The following NFIC variants were observed in gnomAD, a reference collection of about 807,000 sequenced individuals.
The protein encoded by NFIC is nuclear factor I C, also known as nuclear factor 1 C-type.
In NFIC, 12 loss-of-function variants were observed where a neutral mutation model predicts 54.4. The ratio of observed to expected loss-of-function variants is 0.22; its 90% CI spans 0.14 to 0.36. The LOEUF (loss-of-function observed/expected upper bound fraction) is 0.36. Ranked by LOEUF, NFIC falls within the 10% of genes least tolerant of loss-of-function variation. The pLI is 1.00. For missense variants in NFIC, 575 were observed against 718.2 expected (o/e 0.80, Z 2.28); for synonymous variants, 322 against 319.2 (o/e 1.01, Z -0.09).
At chr19:3,401,809 C>T (rs1367707744) in intron 2 of NFIC, among the ~76,000 whole-genome samples, 1 of 151,910 alleles carries the variant, frequency 6.6e-6, no homozygotes, top group Non-Finnish European at 1.5e-5. Flanking sequence ...ACAACCTCTG[C>T]CTCACAGGTT....
intron 2 of NFIC, among the ~76,000 whole-genome samples, chr19:3,401,721 C>CTT (rs1333848770): frequency 5.7e-5 from 2 of 35,366 alleles, no homozygotes; most frequent in African/African-American, 1.2e-4. Context: ...GGGTTATTCT[C>CTT]TTTTTTTTTC....
intron 2 of NFIC, among the ~76,000 whole-genome samples, chr19:3,392,914 T>C (rs113170178): frequency 0.037 from 5,636 of 152,298 alleles, 362 homozygotes; most frequent in African/African-American, 0.13. Flanking sequence ...GCCTTGGCTC[T>C]TGTCCCTTCT....
chr19:3,366,535 G>GT (rs1491403133), upstream of NFIC: 111 of 100,068 alleles, frequency 1.1e-3, no homozygotes, highest in Non-Finnish European at 1.6e-3. Flanking sequence ...GCCGCGGGGC[G>GT]GGGGGGGGGG....
chr19:3,425,918 C>CTTTTT (rs869165549), intron 3 of NFIC, among the ~76,000 whole-genome samples: 3 of 54,532 alleles, frequency 5.5e-5, no homozygotes, highest in Non-Finnish European at 6.3e-5. Context: ...CCATGCCTGG[C>CTTTTT]TTTTTTTTTT....
chr19:3,458,684 G>T lies in NFIC; in HGVS notation c.1509+2049G>T, dbSNP rs544249198. On this transcript the variant is annotated intron_variant, in intron 10 of 10. Coordinates refer to ENST00000443272, the MANE Select transcript of NFIC (RefSeq NM_001245002.2). This position sits in a 1 kb window ranked among gnomAD's most constrained non-coding sequence, Gnocchi z 4.1. ...ATAGGCAATGGTGTGGGTCGGGGGA[G>T]GGGGAGCTGGCTGGAATGTGAGAGA... is the stretch of plus-strand genomic sequence containing the variant. Among the ~76,000 whole-genome samples, 2 of 152,000 alleles carry T rather than the reference G, an allele frequency of 1.3e-5. No homozygotes were observed. Among genetic ancestry groups the T allele is most frequent in the Admixed American group, 1.3e-4 (2 of 15,264 alleles).
intron 2 of NFIC, among the ~76,000 whole-genome samples, chr19:3,396,729 G>A (rs1027304678): frequency 6.6e-6 from 1 of 152,238 alleles, no homozygotes; most frequent in Non-Finnish European, 1.5e-5. Flanking sequence ...GCCAAGGTGG[G>A]TGGATCACCT....
chr19:3,418,099 CTTTT>C (rs778206013), intron 2 of NFIC, among the ~76,000 whole-genome samples: 3 of 132,484 alleles, frequency 2.3e-5, no homozygotes, highest in Non-Finnish European at 4.9e-5. Context: ...ATTTTCTTTT[CTTTT>C]TTTTTTTTTT....
rs1169823287 is a variant in NFIC, at chr19:3,464,658, C to T, written c.*1889C>T. 4.4e-5 allele frequency: 43 copies of T among 984,814 alleles called. 1 individual carries two copies. The highest frequency in any genetic ancestry group is 4.8e-6 in the Non-Finnish European group (4 of 829,834). The allele number at this position is 984,814 out of a possible 1,614,324, so 61.0% of individuals were successfully genotyped here. Reference sequence around the variant, plus strand: ...ACCTGCTCCTAGCCTCACCCCCCTGCCCCCGAAAACCAGACTCTCCTCCCA... The same window carrying T: ...ACCTGCTCCTAGCCTCACCCCCCTGTCCCCGAAAACCAGACTCTCCTCCCA... On this transcript the variant is annotated 3_prime_UTR_variant, in exon 11 of 11. Coordinates refer to ENST00000443272, the MANE Select transcript of NFIC (RefSeq NM_001245002.2).
chr19:3,388,329 C>T (rs1429020563), intron 2 of NFIC, among the ~76,000 whole-genome samples: 3 of 152,124 alleles, frequency 2.0e-5, no homozygotes, highest in African/African-American at 7.2e-5. Context: ...ATGGCGTGCC[C>T]TCTGTGTGCC....
intron 6 of NFIC, among the ~76,000 whole-genome samples, chr19:3,443,504 C>A (rs2082324670): frequency 6.6e-6 from 1 of 152,092 alleles, no homozygotes; most frequent in Admixed American, 6.6e-5. Context: ...GGTGTGTAAA[C>A]CAGGGGGACC....
At position 3,452,388 on chromosome 19, in the gene NFIC, G is replaced by A. The variant is rs569389230; in HGVS notation, c.1085-94G>A. 2.3e-5 allele frequency: 34 copies of A among 1,489,410 alleles called. No homozygotes were observed. In the African/African-American group the frequency reaches 2.8e-4, roughly 12 times the overall value. 92.3% of individuals were successfully genotyped at this position (1,489,410 alleles called of 1,614,324 possible). A position where few individuals can be genotyped will look rare whatever the true frequency, so the allele number is the denominator to read the frequency against. ...TTGTTACTAAACGCACTGAGATGCC[G>A]GCAGGAATGACACCCACAGACACAC... On this transcript the variant is annotated intron_variant, in intron 7 of 10. Transcript: ENST00000443272. This position sits in a 1 kb window ranked among gnomAD's most constrained non-coding sequence, Gnocchi z 5.3.
chr19:3,434,878 G>A (rs1262895079), intron 5 of NFIC, among the ~76,000 whole-genome samples: 2 of 152,222 alleles, frequency 1.3e-5, no homozygotes, highest in South Asian at 4.1e-4. Flanking sequence ...CCTGCCTCTG[G>A]CCCGGGTGTC....
chr19:3,427,547 G>T (rs897441674), intron 3 of NFIC, among the ~76,000 whole-genome samples: 1 of 152,030 alleles, frequency 6.6e-6, no homozygotes, highest in Non-Finnish European at 1.5e-5. Flanking sequence ...AGAAGGAAGG[G>T]GCCAAGTGCG....
intron 2 of NFIC, among the ~76,000 whole-genome samples, chr19:3,411,764 G>A (rs1599640105): frequency 6.6e-6 from 1 of 152,182 alleles, no homozygotes; most frequent in East Asian, 1.9e-4. Context: ...CCCCCAGCCC[G>A]GCTGTGAGGA....
intron 3 of NFIC, among the ~76,000 whole-genome samples, chr19:3,426,890 C>A (rs1256033588): frequency 6.6e-6 from 1 of 152,106 alleles, no homozygotes; most frequent in East Asian, 1.9e-4. Context: ...TACCCTAAAC[C>A]CCTTCAGCAT....
chr19:3,366,556 C>CGGGGGGGGGGGGGGG, upstream of NFIC: 1 of 490,742 alleles, frequency 2.0e-6, no homozygotes, highest in Non-Finnish European at 2.9e-6. Context: ...TTGGGGGGGG[C>CGGGGGGGGGGGGGGG]GGGGGGGTGG....
rs1370245522 is a variant in NFIC at position 3,370,689 on chromosome 19, T to TCTGG, written c.30+4026_30+4027insGCTG. 2.4e-5 allele frequency among the ~76,000 whole-genome samples: 1 copy of TCTGG among 42,228 alleles called. No homozygotes were observed. The highest frequency in any genetic ancestry group is 7.5e-3 in the East Asian group (1 of 134). The allele number at this position is 42,228 out of a possible 152,430, so 27.7% of individuals were successfully genotyped here. On this transcript the variant is annotated intron_variant, in intron 1 of 10. Transcript: ENST00000443272. The surrounding 1 kb of genome is among the most constrained non-coding windows in gnomAD (Gnocchi z 5.2). ...TCCCTCTCTGTTCCTCTTCTTTCTC[T>TCTGG]CTGTCTGTCTCTTTCTTTCTCCCTC... is the stretch of plus-strand genomic sequence containing the variant.
At chr19:3,360,401 C>T (rs1197186273) in intron 1 of NFIC, among the ~76,000 whole-genome samples, 3 of 151,324 alleles carry the variant, frequency 2.0e-5, no homozygotes, top group Non-Finnish European at 4.4e-5. Context: ...GGTCTCGGCC[C>T]GGCGCGCCCC....
chr19:3,385,461 A>T (rs929514964), intron 2 of NFIC, among the ~76,000 whole-genome samples: 2 of 152,038 alleles, frequency 1.3e-5, no homozygotes, highest in African/African-American at 4.8e-5. Flanking sequence ...GGCACTAGGC[A>T]GGGGGCTAGG....
Sources: allele counts gnomAD v4.1 joint callset (sites outside exome capture counted in the v4.1 genomes callset), GRCh38; gene constraint gnomAD v4.1.1; non-coding constraint Gnocchi (gnomAD v3.1); transcripts MANE v1.5; gene names NCBI Gene and HGNC (gene_info 2026-07-23, HGNC 2026-07-21).